GLI2: variants seen among roughly 807,000 people sequenced by gnomAD.
GLI2 encodes the protein GLI family zinc finger 2.
A neutral mutation model predicts 78.9 loss-of-function variants in GLI2; 22 were observed. The observed-to-expected ratio is 0.28, with a 90% confidence interval of 0.20 to 0.40. The LOEUF (loss-of-function observed/expected upper bound fraction) is 0.40, where lower values mean the gene tolerates loss of function less well. Among genes scored for constraint, GLI2 ranks in the 10% least tolerant of loss-of-function variants. The pLI, the probability that GLI2 is intolerant of heterozygous loss-of-function variation, is 1.00. For synonymous variants in GLI2, 974 were observed against 963.7 expected, an observed-to-expected ratio of 1.01 and a Z score of -0.20; for missense variants, 2,097 against 2,213.2, an observed-to-expected ratio of 0.95 and a Z score of 1.05.
intron 2 of GLI2, among the ~76,000 whole-genome samples, chr2:120,835,960 G>A (rs531479541): frequency 1.3e-5 from 2 of 152,294 alleles, no homozygotes; most frequent in East Asian, 1.9e-4. Context: ...TGCCCTGGAT[G>A]CAGACATTAG....
At chr2:120,883,911 T>A (rs1677273553) in intron 2 of GLI2, among the ~76,000 whole-genome samples, 1 of 152,158 alleles carries the variant, frequency 6.6e-6, no homozygotes, top group Non-Finnish European at 1.5e-5. Context: ...CAAGGAAAAT[T>A]GTCTGTGCTC....
chr2:120,875,676 A>G (rs1337732888), intron 2 of GLI2, among the ~76,000 whole-genome samples: 2 of 152,176 alleles, frequency 1.3e-5, no homozygotes, highest in Non-Finnish European at 2.9e-5. Flanking sequence ...TTACCTATAA[A>G]TTCTGGGCGG....
intron 2 of GLI2, among the ~76,000 whole-genome samples, chr2:120,871,668 A>G (rs957593758): frequency 6.6e-5 from 10 of 152,254 alleles, no homozygotes; most frequent in African/African-American, 2.4e-4. Context: ...CTGGTTGTCC[A>G]TCATTATGAC....
chr2:120,829,990 C>T (rs1484650928), intron 2 of GLI2, among the ~76,000 whole-genome samples: 1 of 152,074 alleles, frequency 6.6e-6, no homozygotes, highest in Non-Finnish European at 1.5e-5. Flanking sequence ...TATATGTGCA[C>T]GTGTGTGTAA....
intron 3 of GLI2, among the ~76,000 whole-genome samples, chr2:120,947,068 G>A (rs1214588960): frequency 6.6e-6 from 1 of 152,200 alleles, no homozygotes; most frequent in Non-Finnish European, 1.5e-5. Context: ...TGGTAGGGGT[G>A]GGGTGGGGAC....
At chr2:120,817,796 G>A (rs1198356247) in intron 2 of GLI2, among the ~76,000 whole-genome samples, 1 of 150,862 alleles carries the variant, frequency 6.6e-6, no homozygotes, top group East Asian at 2.0e-4. Flanking sequence ...ACCTGGCCCC[G>A]CTCCAGACTC....
chr2:120,969,704 C>T (rs1682039671), intron 6 of GLI2, among the ~76,000 whole-genome samples: 1 of 152,198 alleles, frequency 6.6e-6, no homozygotes, highest in Non-Finnish European at 1.5e-5. Context: ...CTTGACTGGG[C>T]CAGAATGCCC....
intron 1 of GLI2, among the ~76,000 whole-genome samples, chr2:120,777,104 G>A (rs183702428): frequency 1.3e-5 from 2 of 152,294 alleles, no homozygotes; most frequent in East Asian, 3.9e-4. Flanking sequence ...GATTGCGTGA[G>A]TGTGTGTATG....
intron 1 of GLI2, among the ~76,000 whole-genome samples, chr2:120,784,436 G>T (rs768008399): frequency 6.6e-6 from 1 of 152,160 alleles, no homozygotes; most frequent in Non-Finnish European, 1.5e-5. Flanking sequence ...GGCAGTGTCT[G>T]GGGGTTGCAG....
At chr2:120,813,982 C>G (rs571637718) in intron 2 of GLI2, among the ~76,000 whole-genome samples, 1 of 151,828 alleles carries the variant, frequency 6.6e-6, no homozygotes, top group East Asian at 1.9e-4. Context: ...AGGAAAGCAC[C>G]CATAAAGGGA....
intron 2 of GLI2, among the ~76,000 whole-genome samples, chr2:120,810,089 T>TC (rs1452334999): frequency 1.3e-5 from 2 of 152,150 alleles, no homozygotes; most frequent in Non-Finnish European, 2.9e-5. Context: ...ACTACTCTGC[T>TC]GGGGGGAGCC....
At chr2:120,955,613 A>G (rs1215137442) in intron 5 of GLI2, among the ~76,000 whole-genome samples, 183 bp downstream of exon 5, 2 of 152,198 alleles carry the variant, frequency 1.3e-5, no homozygotes, top group Non-Finnish European at 2.9e-5. Flanking sequence ...CTGAGTCACC[A>G]CAGGCCAGGA....
intron 2 of GLI2, among the ~76,000 whole-genome samples, chr2:120,872,208 G>A (rs1180411499): frequency 6.6e-6 from 1 of 152,222 alleles, no homozygotes; most frequent in East Asian, 1.9e-4. Context: ...TGAGGTGGTA[G>A]ATGTTTCCAG....
intron 4 of GLI2, among the ~76,000 whole-genome samples, chr2:120,953,310 T>C (rs1213007419): frequency 1.3e-5 from 2 of 151,938 alleles, no homozygotes; most frequent in Admixed American, 6.6e-5. Context: ...ATGGGAGTAA[T>C]ATGGCCACAA....
At position 120,989,550 on chromosome 2, in the gene GLI2, C is replaced by G; in HGVS notation, c.3585C>G (p.Pro1195=). Residue 1195 remains proline, a synonymous_variant, in exon 14 of 14, where the codon CCC becomes CCG. Coordinates refer to ENST00000361492, the MANE Select transcript of GLI2 (RefSeq NM_001374353.1). ...QPHLQPRSGA[P]SQGIPRVNYM... ...ACCTGCAGCCCCGCAGCGGAGCCCC[C>G]TCCCAGGGCATCCCCAGGGTAAACT... 6.2e-7 allele frequency: 1 copy of G among 1,612,866 alleles called. No homozygotes were observed. Among genetic ancestry groups the G allele is most frequent in the Non-Finnish European group, 8.5e-7 (1 of 1,179,850 alleles).
At chr2:120,967,959 C>T (rs977725818) in intron 5 of GLI2, among the ~76,000 whole-genome samples, 9 of 152,212 alleles carry the variant, frequency 5.9e-5, no homozygotes, top group African/African-American at 2.2e-4. Context: ...GGCCGCCATC[C>T]AGGCCTCTGC....
intron 2 of GLI2, among the ~76,000 whole-genome samples, chr2:120,828,031 C>T (rs1214489306): frequency 1.3e-5 from 2 of 152,192 alleles, no homozygotes; most frequent in Non-Finnish European, 1.5e-5. Flanking sequence ...GGAAATGGTA[C>T]ATTTTATGTT....
chr2:120,927,487 G>C (rs1332782775), intron 3 of GLI2, 21 bp downstream of exon 3: 1 of 1,524,338 alleles, frequency 6.6e-7, no homozygotes. Flanking sequence ...CCCTCTGCCT[G>C]CTGCTCCTGG....
chr2:120,928,732 C>T (rs571217743), intron 3 of GLI2, among the ~76,000 whole-genome samples: 1 of 152,350 alleles, frequency 6.6e-6, no homozygotes, highest in South Asian at 2.1e-4. Context: ...AAACCTGGGA[C>T]TTCTACTTTC....
Sources: allele counts gnomAD v4.1 joint callset (sites outside exome capture counted in the v4.1 genomes callset), GRCh38; gene constraint gnomAD v4.1.1; transcripts MANE v1.5; gene names NCBI Gene and HGNC (gene_info 2026-07-23, HGNC 2026-07-21).